Variants in RSPH6A observed in about 807,000 individuals in gnomAD.
RSPH6A encodes radial spoke head 6 homolog A.
A neutral mutation model predicts 66.1 loss-of-function variants in RSPH6A; 49 were observed. That is an observed-to-expected ratio of 0.74 (90% CI 0.59 to 0.94). RSPH6A has a LOEUF of 0.94. Ranked by LOEUF, RSPH6A falls within the 40% of genes least tolerant of loss-of-function variation. The pLI is 0.00. For missense variants in RSPH6A, 977 were observed against 948.3 expected (o/e 1.03, Z -0.40); for synonymous variants, 419 against 402.4 (o/e 1.04, Z -0.49).
In RSPH6A at chr19:45,804,721, T is replaced by TCCTCCTCGC. The variant is rs765792257; in HGVS notation, c.1175_1183dup (p.Gly392_Glu394dup). ...GACGATGTCCACGGCCTTCTCCTCGTCCTCCTCGCCCTCCTCCTCGCCGTG... is the reference window on the plus strand; with the variant it reads ...GACGATGTCCACGGCCTTCTCCTCGTCCTCCTCGCCCTCCTCGCCCTCCTCCTCGCCGTG... On this transcript the variant is annotated inframe_insertion, in exon 3 of 6. Transcript: ENST00000221538. The surrounding 1 kb of genome is among the most constrained non-coding windows in gnomAD (Gnocchi z 5.8). The TCCTCCTCGC allele has an allele frequency of 3.1e-6, 5 of 1,613,454 alleles. No homozygotes were observed. Among genetic ancestry groups the TCCTCCTCGC allele is most frequent in the African/African-American group, 1.3e-5 (1 of 74,814 alleles).
At chr19:45,799,042 G>A (rs1207246174) in intron 5 of RSPH6A, among the ~76,000 whole-genome samples, 2 of 152,106 alleles carry the variant, frequency 1.3e-5, no homozygotes, top group East Asian at 1.9e-4. Flanking sequence ...AAAAGCAAAC[G>A]TGCCTCTTCC....
intron 2 of RSPH6A, among the ~76,000 whole-genome samples, chr19:45,807,853 GCT>G (rs1295363901): frequency 6.6e-6 from 1 of 152,164 alleles, no homozygotes; most frequent in East Asian, 1.9e-4. Context: ...GCTGAAAACA[GCT>G]CTCTTTGTTT....
chr19:45,798,025 G>A (rs1049816599), intron 5 of RSPH6A, among the ~76,000 whole-genome samples: 3 of 152,136 alleles, frequency 2.0e-5, no homozygotes, highest in African/African-American at 7.2e-5. Flanking sequence ...AGGAAAGGGA[G>A]GGGACTAAGA....
At chr19:45,811,497 G>GTGTGATTT (rs1305555746) in intron 1 of RSPH6A, among the ~76,000 whole-genome samples, 2 of 151,568 alleles carry the variant, frequency 1.3e-5, no homozygotes, top group Admixed American at 6.6e-5. Context: ...GAGTGCAGTG[G>GTGTGATTT]CACGACCTCA....
rs1568596215 is a variant in RSPH6A, at chr19:45,796,076, AC to A, written c.1946del (p.Gly649ValfsTer30). On this transcript the variant is annotated frameshift_variant, in exon 6 of 6. Coordinates refer to ENST00000221538, the MANE Select transcript of RSPH6A (RefSeq NM_030785.4). LOFTEE classifies it high-confidence loss of function. ...KKFENIYIGW[G>X]HKYSPESFNP... The stretch of plus-strand genomic sequence containing the variant: ...TGAAGCTCTCGGGGCTGTACTTGTG[AC>A]CCCAGCCGATGTAGATGTTCTCAAA... 1.9e-6 allele frequency: 3 copies of A among 1,577,274 alleles called. No homozygotes were observed. The Admixed American group carries it at 5.2e-5, about 27-fold the overall frequency.
intron 3 of RSPH6A, among the ~76,000 whole-genome samples, chr19:45,803,210 G>GAAA (rs537694212): frequency 6.7e-5 from 7 of 104,090 alleles, no homozygotes; most frequent in Non-Finnish European, 9.5e-5. Context: ...CTCCGTCTCA[G>GAAA]AAAAAAAAAA....
In RSPH6A at chr19:45,814,740, A is replaced by C; in HGVS notation, c.437T>G (p.Leu146Trp). The change falls in exon 1 of 6, where the codon TTG (leucine) becomes TGG (tryptophan). Residue 146 changes from leucine to tryptophan, a missense_variant. Coordinates refer to ENST00000221538, the MANE Select transcript of RSPH6A (RefSeq NM_030785.4). The part of the protein sequence containing the change: ...PTFQEPPVNP[L>W]GQFNLYQTDQ... ...TGTCTGGTAGAGGTTGAACTGGCCC[A>C]AGGGGTTGACTGGGGGCTCCTGGAA... is the stretch of plus-strand genomic sequence containing the variant. The C allele has an allele frequency of 1.9e-6, 3 of 1,613,800 alleles. No individual in the cohort carries two copies. The highest frequency in any genetic ancestry group is 2.5e-6 in the Non-Finnish European group (3 of 1,179,882).
chr19:45,800,606 G>A lies in RSPH6A; in HGVS notation c.1799-43C>T, dbSNP rs74933199. The A allele has an allele frequency of 2.2e-3, 3,320 of 1,529,784 alleles. 63 individuals are homozygous for A. The East Asian group carries it at 0.047, about 22-fold the overall frequency. 94.8% of individuals were successfully genotyped at this position (1,529,784 alleles called of 1,614,324 possible). A position where few individuals can be genotyped will look rare whatever the true frequency, so the allele number is the denominator to read the frequency against. On this transcript the variant is annotated intron_variant, in intron 4 of 5. Transcript: ENST00000221538. ...CAGAGGGGGGCAGCAGGGTCAGGGA[G>A]GCCCCCAGGCCCTGCACTGCACCCT... is the stretch of plus-strand genomic sequence containing the variant.
At chr19:45,799,538 A>T (rs770933727) in intron 5 of RSPH6A, among the ~76,000 whole-genome samples, 109 of 151,288 alleles carry the variant, frequency 7.2e-4, no homozygotes, top group Non-Finnish European at 1.3e-3. Context: ...GATTTTAAAA[A>T]TTTTTTTAAT....
intron 2 of RSPH6A, among the ~76,000 whole-genome samples, chr19:45,808,395 C>G (rs945429759): frequency 6.6e-6 from 1 of 151,920 alleles, no homozygotes. Context: ...CCACTGCACT[C>G]CAGCCTGGGC....
intron 1 of RSPH6A, among the ~76,000 whole-genome samples, chr19:45,811,743 GTATTAT>G (rs59665443): frequency 0.083 from 9,852 of 118,074 alleles, 498 homozygotes; most frequent in African/African-American, 0.15. Context: ...GCCAACATTT[GTATTAT>G]TATTATTATT....
At chr19:45,800,640 G>T in intron 4 of RSPH6A, 77 bp from the exon 5 acceptor site, 1 of 1,261,912 alleles carries the variant, frequency 7.9e-7, no homozygotes, top group South Asian at 1.4e-5. Flanking sequence ...CTGAAGGAAG[G>T]AAGGCAGCAG....
chr19:45,802,230 G>A lies in RSPH6A; in HGVS notation c.1688C>T (p.Thr563Ile), dbSNP rs1333163718. 1 of 1,534,672 alleles carries A rather than the reference G, an allele frequency of 6.5e-7. No homozygotes were observed. Among genetic ancestry groups the A allele is most frequent in the South Asian group, 1.2e-5 (1 of 81,068 alleles). ...CTCCCCCAGGTCCTCCTCCTCCTCTGTCTTCTGCAAAGGGTTCACCCAAGT... is the reference window on the plus strand; with the variant it reads ...CTCCCCCAGGTCCTCCTCCTCCTCTATCTTCTGCAAAGGGTTCACCCAAGT... Reference protein sequence around the residue: ...RCTWVNPLQKTEEEEDLGEEE... With the variant: ...RCTWVNPLQKIEEEEDLGEEE... The change falls in exon 4 of 6, where the codon ACA (threonine) becomes ATA (isoleucine). Residue 563 changes from threonine to isoleucine, a missense_variant. Physicochemically the swap from Thr to Ile is moderately conservative, Grantham distance 89. Coordinates refer to ENST00000221538, the MANE Select transcript of RSPH6A (RefSeq NM_030785.4).
At chr19:45,796,207 G>T in intron 5 of RSPH6A, 101 bp from the exon 6 acceptor site, 1 of 904,496 alleles carries the variant, frequency 1.1e-6, no homozygotes, top group Non-Finnish European at 1.6e-6. Context: ...GTTGCCTAGT[G>T]CAGTGGTGTG....
In RSPH6A at chr19:45,800,328, G is replaced by C. The variant is rs905346523; in HGVS notation, c.1916+118C>G. On this transcript the variant is annotated intron_variant, in intron 5 of 5. Coordinates refer to ENST00000221538, the MANE Select transcript of RSPH6A (RefSeq NM_030785.4). ...GGAGCTATGAGGGCATTAGTCCTTG[G>C]GGCTTCCTGAAGGGGGCCCTCCCCA... 5 of 830,974 alleles carry C rather than the reference G, an allele frequency of 6.0e-6. No individual in the cohort carries two copies. In the African/African-American group the frequency reaches 8.6e-5, roughly 14 times the overall value. The allele number at this position is 830,974 out of a possible 1,614,324, so 51.5% of individuals were successfully genotyped here.
chr19:45,802,194 T>G lies in RSPH6A; in HGVS notation c.1724A>C (p.Lys575Thr). The G allele has an allele frequency of 6.4e-7, 1 of 1,552,696 alleles. No homozygotes were observed. Among genetic ancestry groups the G allele is most frequent in the South Asian group, 1.2e-5 (1 of 83,332 alleles). Residue 575 changes from lysine (K) to threonine (T), a missense_variant, in exon 4 of 6, where the codon AAG becomes ACG. By Grantham distance (78) the Lys-to-Thr change is moderately conservative. Coordinates refer to ENST00000221538, the MANE Select transcript of RSPH6A (RefSeq NM_030785.4). ...EEEDLGEEEE[K>T]ADEGPEEVEQ... The stretch of plus-strand genomic sequence containing the variant: ...CACCTCCTCTGGCCCCTCATCTGCC[T>G]TCTCTTCCTCCTCCCCCAGGTCCTC...
chr19:45,801,044 C>T (rs542464449), intron 4 of RSPH6A, among the ~76,000 whole-genome samples: 2 of 152,116 alleles, frequency 1.3e-5, no homozygotes, highest in Admixed American at 6.6e-5. Flanking sequence ...GTGATCCACC[C>T]GCCTCAGCCC....
At chr19:45,813,867 G>A (rs1004399108) in intron 1 of RSPH6A, among the ~76,000 whole-genome samples, 2 of 152,066 alleles carry the variant, frequency 1.3e-5, no homozygotes, top group Non-Finnish European at 2.9e-5. Flanking sequence ...CAGGATAAGA[G>A]GGTCTCAGGA....
intron 2 of RSPH6A, 110 bp downstream of exon 2, chr19:45,810,493 G>C (rs920778594): frequency 1.9e-6 from 2 of 1,029,300 alleles, no homozygotes; most frequent in Non-Finnish European, 3.0e-6. Flanking sequence ...TTTTGTGACT[G>C]GATTGTGCAA....
Sources: allele counts gnomAD v4.1 joint callset (sites outside exome capture counted in the v4.1 genomes callset), GRCh38; gene constraint gnomAD v4.1.1; non-coding constraint Gnocchi (gnomAD v3.1); transcripts MANE v1.5; gene names NCBI Gene and HGNC (gene_info 2026-07-23, HGNC 2026-07-21).